Variants in TMEM255A observed in about 807,000 individuals in gnomAD.
The protein encoded by TMEM255A is family with sequence similarity 70, member A.
Under a neutral mutation model 23.5 loss-of-function variants are expected in TMEM255A, and 14 were observed. That is an observed-to-expected ratio of 0.60 (90% CI 0.39 to 0.93). The LOEUF (loss-of-function observed/expected upper bound fraction) is 0.93. Among genes scored for constraint, TMEM255A ranks in the 40% least tolerant of loss-of-function variants. TMEM255A has a pLI of 0.00. For synonymous variants in TMEM255A, 104 were observed against 100.3 expected, an observed-to-expected ratio of 1.04 and a Z score of -0.22; for missense variants, 233 against 261.7, an observed-to-expected ratio of 0.89 and a Z score of 0.76.
intron 8 of TMEM255A, among the ~76,000 whole-genome samples, chrX:120,265,607 AT>A (rs1188982162): frequency 8.9e-6 from 1 of 111,788 alleles, no homozygotes; most frequent in Non-Finnish European, 1.9e-5. Context: ...AACTTCAAAA[AT>A]CCCCCAACCC....
chrX:120,275,934 A>G (rs1556019677), intron 7 of TMEM255A, among the ~76,000 whole-genome samples: 1 of 108,651 alleles, frequency 9.2e-6, no homozygotes, highest in Non-Finnish European at 1.9e-5. Flanking sequence ...CTGGGACTAC[A>G]GATATGTGCC....
Position 120,309,423 on chromosome X carries a change from G to T in TMEM255A, c.58+1829C>A, listed in dbSNP as rs781865479. Among the ~76,000 whole-genome samples, 11 of 112,966 alleles carry T rather than the reference G, an allele frequency of 9.7e-5. No homozygotes were observed. The East Asian group carries it at 2.5e-3, about 26-fold the overall frequency. ...TGTTCCCCAACCCACAGAGCAGTGC[G>T]CCAAGTAGCGACTCTTTAAGCCCTG... is the stretch of plus-strand genomic sequence containing the variant. On this transcript the variant is annotated intron_variant, in intron 1 of 8. Transcript: ENST00000371369.
At chrX:120,287,728 G>C (rs183264559) in intron 4 of TMEM255A, among the ~76,000 whole-genome samples, 16 of 111,905 alleles carry the variant, frequency 1.4e-4, no homozygotes, top group Non-Finnish European at 2.6e-4. Context: ...GCAAGCCTCA[G>C]GAGGAGGGGC....
intron 6 of TMEM255A, among the ~76,000 whole-genome samples, chrX:120,282,338 T>C (rs1355196201): frequency 8.9e-6 from 1 of 111,788 alleles, no homozygotes; most frequent in Non-Finnish European, 1.9e-5. Context: ...CCTTGGAATC[T>C]TAGCACTACA....
intron 4 of TMEM255A, among the ~76,000 whole-genome samples, chrX:120,287,739 A>G (rs1225649169): frequency 8.9e-6 from 1 of 111,887 alleles, no homozygotes; most frequent in Non-Finnish European, 1.9e-5. Flanking sequence ...GAGGAGGGGC[A>G]GCTCCTGAGG....
rs182143184 is a variant in TMEM255A, at chrX:120,293,097, T to C, written c.264+892A>G. Among the ~76,000 whole-genome samples, 346 of 112,278 alleles carry C rather than the reference T, an allele frequency of 3.1e-3. 1 individual carries two copies. The highest frequency in any genetic ancestry group is 0.011 in the African/African-American group (328 of 30,918). On this transcript the variant is annotated intron_variant, in intron 3 of 8. Coordinates refer to ENST00000371369, the MANE Select transcript of TMEM255A (RefSeq NM_001104544.3). ...CCCCATATCGCTGGGGGAAAACATA[T>C]GGTTAGAGTTCTCTGTCCTTGGAGC...
intron 5 of TMEM255A, chrX:120,285,635 G>A (rs2057868900): frequency 8.3e-7 from 1 of 1,209,576 alleles, no homozygotes; most frequent in Non-Finnish European, 1.1e-6. Flanking sequence ...CTCTCTAGCT[G>A]CCTGGGTAAG....
chrX:120,284,402 C>T (rs2057858511), intron 6 of TMEM255A, among the ~76,000 whole-genome samples: 1 of 111,304 alleles, frequency 9.0e-6, no homozygotes, highest in African/African-American at 3.3e-5. Context: ...TTGAAGCACT[C>T]TTTCTCCAGG....
Position 120,311,304 on chromosome X carries a change from A to G in TMEM255A, c.6T>C (p.His2=). The part of the protein sequence containing the change: M[H]QSLTQQRSSD... ...TGGACCGCTGCTGAGTCAGGGACTG[A>G]TGCATGGTGAAAACTGCCCGGTTGC... The change falls in exon 1 of 9, where the codon CAT becomes CAC. Residue 2 remains histidine (H), a synonymous_variant. Transcript: ENST00000371369. The G allele has an allele frequency of 3.4e-6, 4 of 1,179,207 alleles. No individual in the cohort carries two copies. Among genetic ancestry groups the G allele is most frequent in the Middle Eastern group, 4.6e-4 (2 of 4,314 alleles).
At chrX:120,270,950 G>A (rs1603400511) in intron 7 of TMEM255A, among the ~76,000 whole-genome samples, 2 of 111,290 alleles carry the variant, frequency 1.8e-5, no homozygotes, top group African/African-American at 6.5e-5. Context: ...TTTTAATAGA[G>A]TGATCTAGGC....
At chrX:120,269,307 G>A (rs139903757) in intron 7 of TMEM255A, among the ~76,000 whole-genome samples, 1,428 of 111,743 alleles carry the variant, frequency 0.013, 11 homozygotes, top group Non-Finnish European at 0.021. Flanking sequence ...TCCCAAGTAG[G>A]ACTGTGCTTT....
downstream of TMEM255A, chrX:120,255,150 G>A: frequency 8.3e-7 from 1 of 1,211,792 alleles, no homozygotes; most frequent in Non-Finnish European, 1.1e-6. Flanking sequence ...AGATCCTTCT[G>A]GGGACTCAAA....
intron 5 of TMEM255A, chrX:120,285,745 T>C (rs2057870746): frequency 8.3e-7 from 1 of 1,202,609 alleles, no homozygotes; most frequent in Admixed American, 2.2e-5. Context: ...CAAGTGAACC[T>C]ATGGAAGTCA....
chrX:120,304,887 T>C (rs956238874), intron 1 of TMEM255A, among the ~76,000 whole-genome samples: 4 of 111,457 alleles, frequency 3.6e-5, no homozygotes, highest in Non-Finnish European at 7.5e-5. Context: ...AATGAAAACA[T>C]TTTAAAGCCA....
At chrX:120,269,552 A>G (rs1027853722) in intron 7 of TMEM255A, among the ~76,000 whole-genome samples, 6 of 111,233 alleles carry the variant, frequency 5.4e-5, no homozygotes, top group South Asian at 3.8e-4. Context: ...GCAGGGGGAA[A>G]CTCCCTTCCA....
At chrX:120,255,518 C>G (rs1258054183), downstream of TMEM255A, 1 of 792,706 alleles carries the variant, frequency 1.3e-6, no homozygotes, top group Admixed American at 3.3e-5. Flanking sequence ...AAGGTGCGAA[C>G]AAGTTAATTT....
rs2057845812 is a variant in TMEM255A, at chrX:120,282,753, G to A, written c.512+2374C>T. Among the ~76,000 whole-genome samples, 3 of 112,415 alleles carry A rather than the reference G, an allele frequency of 2.7e-5. No homozygotes were observed. In the South Asian group the frequency reaches 1.1e-3, roughly 42 times the overall value. ...ATTGACAGGAACATAGAATGGACTT[G>A]AGCCTCCACTTTCAAAAACAATTCA... On this transcript the variant is annotated intron_variant, in intron 6 of 8. Coordinates refer to ENST00000371369, the MANE Select transcript of TMEM255A (RefSeq NM_001104544.3).
intron 8 of TMEM255A, among the ~76,000 whole-genome samples, chrX:120,267,224 C>A (rs1265724582): frequency 8.9e-6 from 1 of 112,219 alleles, no homozygotes; most frequent in Non-Finnish European, 1.9e-5. Context: ...ACACTTTATT[C>A]AACTTAATCA....
chrX:120,311,293 G>A lies in TMEM255A; in HGVS notation c.17C>T (p.Thr6Ile). The change falls in exon 1 of 9, where the codon ACT (threonine) becomes ATT (isoleucine). Residue 6 changes from threonine (T) to isoleucine (I), a missense_variant. Thr to Ile is a moderately conservative substitution (Grantham distance 89). Coordinates refer to ENST00000371369, the MANE Select transcript of TMEM255A (RefSeq NM_001104544.3). ...GGACATGTCGCTGGACCGCTGCTGA[G>A]TCAGGGACTGATGCATGGTGAAAAC... Reference protein sequence around the residue: MHQSLTQQRSSDMSLP... With the variant: MHQSLIQQRSSDMSLP... 1 of 1,182,659 alleles carries A rather than the reference G, an allele frequency of 8.5e-7. No homozygotes were observed. The highest frequency in any genetic ancestry group is 1.1e-6 in the Non-Finnish European group (1 of 880,216).
Sources: gnomAD v4.1 joint callset for allele counts (sites outside exome capture counted in the v4.1 genomes callset) on GRCh38, gnomAD v4.1.1 for gene constraint, MANE v1.5 for transcripts, NCBI Gene and HGNC (gene_info 2026-07-23, HGNC 2026-07-21) for gene names.